The following CACNA2D1 variants were observed in gnomAD, a reference collection of about 807,000 sequenced individuals.
CACNA2D1 encodes calcium voltage-gated channel auxiliary subunit alpha2delta 1.
CACNA2D1 carries 53 observed loss-of-function variants against 171.5 expected under a neutral mutation model. That is an observed-to-expected ratio of 0.31 (90% CI 0.25 to 0.39). The LOEUF (loss-of-function observed/expected upper bound fraction) is 0.39, where lower values mean the gene tolerates loss of function less well. Ranked by LOEUF, CACNA2D1 falls within the 10% of genes least tolerant of loss-of-function variation. CACNA2D1 has a pLI of 1.00. For missense variants in CACNA2D1, 903 were observed against 1,299.8 expected, an observed-to-expected ratio of 0.69 and a Z score of 4.69; for synonymous variants, 442 against 443.1, an observed-to-expected ratio of 1.00 and a Z score of 0.03.
intron 38 of CACNA2D1, among the ~76,000 whole-genome samples, chr7:81,952,908 G>A (rs1039600295): frequency 2.0e-5 from 3 of 151,896 alleles, no homozygotes; most frequent in African/African-American, 4.8e-5. Context: ...GACTTGCCTT[G>A]CCCCTAATAT....
chr7:82,328,814 A>G (rs1164859265), intron 3 of CACNA2D1, among the ~76,000 whole-genome samples: 1 of 152,168 alleles, frequency 6.6e-6, no homozygotes, highest in Non-Finnish European at 1.5e-5. Flanking sequence ...CTCACTTTCC[A>G]ATAACTCCTT....
intron 38 of CACNA2D1, among the ~76,000 whole-genome samples, chr7:81,956,306 G>C (rs1793336301): frequency 6.6e-6 from 1 of 151,898 alleles, no homozygotes; most frequent in Admixed American, 6.6e-5. Flanking sequence ...AAGGTAAAAA[G>C]AGAGCTGGCC....
intron 5 of CACNA2D1, among the ~76,000 whole-genome samples, chr7:82,122,926 A>G (rs1789914230): frequency 6.6e-6 from 1 of 152,252 alleles, no homozygotes; most frequent in Admixed American, 6.5e-5. Flanking sequence ...CTTGAAAGGT[A>G]CGAAGATCAA....
chr7:82,355,418 C>T (rs756721227), intron 1 of CACNA2D1, among the ~76,000 whole-genome samples: 12 of 152,072 alleles, frequency 7.9e-5, no homozygotes, highest in Non-Finnish European at 1.6e-4. Flanking sequence ...AATGTATATT[C>T]CCTGACTTCA....
chr7:81,975,136 G>A (rs1358496564), intron 24 of CACNA2D1, among the ~76,000 whole-genome samples: 1 of 152,058 alleles, frequency 6.6e-6, no homozygotes, highest in Admixed American at 6.6e-5. Context: ...CAGTTTCCTG[G>A]TTGTGATACT....
intron 1 of CACNA2D1, among the ~76,000 whole-genome samples, chr7:82,435,201 A>T (rs1030479699): frequency 1.3e-5 from 2 of 151,606 alleles, no homozygotes; most frequent in Non-Finnish European, 2.9e-5. Flanking sequence ...ACACCCGGCT[A>T]ATTTTTTGTA....
At chr7:82,034,041 C>T (rs1803019722) in intron 11 of CACNA2D1, among the ~76,000 whole-genome samples, 3 of 152,010 alleles carry the variant, frequency 2.0e-5, no homozygotes, top group South Asian at 2.1e-4. Flanking sequence ...AATATATTTT[C>T]TTTAACCCAG....
upstream of CACNA2D1, chr7:82,443,815 T>C: frequency 1.6e-6 from 1 of 631,268 alleles, no homozygotes; most frequent in Non-Finnish European, 2.1e-6. Context: ...TTCCCCCGAT[T>C]GCCGAGGCGA....
intron 3 of CACNA2D1, among the ~76,000 whole-genome samples, chr7:82,281,943 G>C (rs1726677496): frequency 6.6e-6 from 1 of 151,628 alleles, no homozygotes; most frequent in Non-Finnish European, 1.5e-5. Flanking sequence ...TAAATATCAA[G>C]AAAACAAAGC....
At chr7:82,147,839 C>T (rs1224355552) in intron 4 of CACNA2D1, among the ~76,000 whole-genome samples, 1 of 152,102 alleles carries the variant, frequency 6.6e-6, no homozygotes, top group African/African-American at 2.4e-5. Context: ...TTGGTAATCA[C>T]TACATCAATT....
intron 6 of CACNA2D1, among the ~76,000 whole-genome samples, chr7:82,107,059 T>C (rs952355342): frequency 1.3e-5 from 2 of 152,282 alleles, no homozygotes; most frequent in East Asian, 3.9e-4. Flanking sequence ...ATGAGATAAA[T>C]TTGTAATGAA....
chr7:82,335,067 G>C, intron 3 of CACNA2D1, 68 bp downstream of exon 3: 2 of 1,007,438 alleles, frequency 2.0e-6, no homozygotes, highest in East Asian at 2.4e-5. Flanking sequence ...CCCCTCAATA[G>C]AGCATGAAAA....
intron 7 of CACNA2D1, among the ~76,000 whole-genome samples, chr7:82,082,805 A>T (rs958057800): frequency 2.0e-5 from 3 of 151,970 alleles, no homozygotes; most frequent in Admixed American, 2.0e-4. Flanking sequence ...AAGTGAACAA[A>T]TGTCAACACA....
intron 1 of CACNA2D1, among the ~76,000 whole-genome samples, chr7:82,361,017 G>C (rs945909876): frequency 6.6e-6 from 1 of 152,100 alleles, no homozygotes; most frequent in African/African-American, 2.4e-5. Context: ...CAGGAATGAA[G>C]CCTTCAAATA....
chr7:82,267,674 G>A (rs188778856), intron 3 of CACNA2D1, among the ~76,000 whole-genome samples: 2 of 152,160 alleles, frequency 1.3e-5, no homozygotes, highest in African/African-American at 4.8e-5. Flanking sequence ...CTGAATTGAA[G>A]AAACGAAAGC....
chr7:82,210,555 G>A (rs1469688737), intron 3 of CACNA2D1, among the ~76,000 whole-genome samples: 1 of 152,114 alleles, frequency 6.6e-6, no homozygotes, highest in Non-Finnish European at 1.5e-5. Flanking sequence ...GGTGTGTGCA[G>A]GCTCTTCAGA....
chr7:82,373,009 A>AC (rs1372710854), intron 1 of CACNA2D1, among the ~76,000 whole-genome samples: 1 of 152,144 alleles, frequency 6.6e-6, no homozygotes, highest in Non-Finnish European at 1.5e-5. Flanking sequence ...ACATGGTGAA[A>AC]CCCCATCTCT....
chr7:82,086,394 C>T (rs1810489127), intron 6 of CACNA2D1, among the ~76,000 whole-genome samples: 1 of 152,036 alleles, frequency 6.6e-6, no homozygotes, highest in Non-Finnish European at 1.5e-5. Context: ...TTTATGGATG[C>T]GATTACTTTC....
intron 7 of CACNA2D1, among the ~76,000 whole-genome samples, chr7:82,074,645 T>C (rs1808738298): frequency 6.6e-6 from 1 of 152,204 alleles, no homozygotes; most frequent in Non-Finnish European, 1.5e-5. Flanking sequence ...CTTCTCTTAC[T>C]GGTATTAGAA....
Sources: gnomAD v4.1 joint callset for allele counts (sites outside exome capture counted in the v4.1 genomes callset) on GRCh38, gnomAD v4.1.1 for gene constraint, MANE v1.5 for transcripts, NCBI Gene and HGNC (gene_info 2026-07-23, HGNC 2026-07-21) for gene names.